CDH4: variants seen among roughly 807,000 people sequenced by gnomAD.
CDH4 encodes the protein cadherin-4.
CDH4 carries 33 observed loss-of-function variants against 86.0 expected under a neutral mutation model. The observed-to-expected ratio is 0.38, with a 90% confidence interval of 0.29 to 0.51. The LOEUF is 0.51. Among genes scored for constraint, CDH4 ranks in the 20% least tolerant of loss-of-function variants. CDH4 has a pLI of 0.86. For missense variants in CDH4, 1,114 were observed against 1,307.4 expected (o/e 0.85, Z 2.28); for synonymous variants, 555 against 549.4 (o/e 1.01, Z -0.14).
intron 2 of CDH4, among the ~76,000 whole-genome samples, chr20:61,415,885 A>G (rs2085144203): frequency 6.6e-6 from 1 of 151,852 alleles, no homozygotes; most frequent in African/African-American, 2.4e-5. Context: ...TTTTTAGTAG[A>G]GACGGGGTTT....
At chr20:61,380,796 G>T (rs1207564826) in intron 2 of CDH4, among the ~76,000 whole-genome samples, 1 of 152,086 alleles carries the variant, frequency 6.6e-6, no homozygotes, top group Non-Finnish European at 1.5e-5. Context: ...TTGCAGCTTC[G>T]GCAAATGAAA....
At chr20:61,637,055 C>A (rs2086954839) in intron 2 of CDH4, among the ~76,000 whole-genome samples, 1 of 152,170 alleles carries the variant, frequency 6.6e-6, no homozygotes, top group Non-Finnish European at 1.5e-5. Context: ...AGGGGAGCCT[C>A]AGTTTGGGGT....
rs777032409 is a variant in CDH4, at chr20:61,377,787, G to A, written c.169+122850G>A. On this transcript the variant is annotated intron_variant, in intron 2 of 15. Coordinates refer to ENST00000614565, the MANE Select transcript of CDH4 (RefSeq NM_001794.5). The surrounding 1 kb of genome is among the most constrained non-coding windows in gnomAD (Gnocchi z 4.0). ...GTTCCCCATCTGGACTCCTTAGGTCGGTCCACTGGCCTGTGCCTTGTCCTT... is the reference window on the plus strand; with the variant it reads ...GTTCCCCATCTGGACTCCTTAGGTCAGTCCACTGGCCTGTGCCTTGTCCTT... 4.6e-5 allele frequency among the ~76,000 whole-genome samples: 7 copies of A among 152,304 alleles called. No homozygotes were observed. The highest frequency in any genetic ancestry group is 1.3e-4 in the Admixed American group (2 of 15,296).
rs531982512 is a variant in CDH4, at chr20:61,879,774, G to T, written c.1050+5874G>T. The stretch of plus-strand genomic sequence containing the variant: ...TGCAGACGCAGGCGCTGTTCCGATT[G>T]TTGGGCAGTGAAATTAGCACCGGGC... On this transcript the variant is annotated intron_variant, in intron 7 of 15. Transcript: ENST00000614565. This position sits in a 1 kb window ranked among gnomAD's most constrained non-coding sequence, Gnocchi z 4.1. Among the ~76,000 whole-genome samples, 12 of 152,314 alleles carry T rather than the reference G, an allele frequency of 7.9e-5. No individual in the cohort carries two copies. Among genetic ancestry groups the T allele is most frequent in the Admixed American group, 7.8e-4 (12 of 15,310 alleles).
At chr20:61,351,969 G>A (rs1304379588) in intron 2 of CDH4, among the ~76,000 whole-genome samples, 4 of 152,194 alleles carry the variant, frequency 2.6e-5, no homozygotes, top group East Asian at 1.9e-4. Context: ...CACCCACCTC[G>A]GCCTCCCAAA....
chr20:61,754,619 GCA>G lies in CDH4; in HGVS notation c.396+10838_396+10839del, dbSNP rs2088536803. Among the ~76,000 whole-genome samples, 1 of 139,636 alleles carries G rather than the reference GCA, an allele frequency of 7.2e-6. No homozygotes were observed. Among genetic ancestry groups the G allele is most frequent in the Non-Finnish European group, 1.5e-5 (1 of 66,984 alleles). 91.6% of individuals were successfully genotyped at this position (139,636 alleles called of 152,430 possible). ...CGGAACACCACACACACGGTGCACG[GCA>G]CACACACCACACACACACGCCCCAC... is the stretch of plus-strand genomic sequence containing the variant. On this transcript the variant is annotated intron_variant, in intron 3 of 15. Transcript: ENST00000614565. The surrounding 1 kb of genome is among the most constrained non-coding windows in gnomAD (Gnocchi z 4.7).
At chr20:61,585,053 C>G (rs557051625) in intron 2 of CDH4, among the ~76,000 whole-genome samples, 1 of 152,234 alleles carries the variant, frequency 6.6e-6, no homozygotes, top group African/African-American at 2.4e-5. Flanking sequence ...GGCTTCCCTC[C>G]GCTTCTCCAC....
intron 2 of CDH4, among the ~76,000 whole-genome samples, chr20:61,349,950 G>C (rs1331636512): frequency 6.6e-6 from 1 of 152,156 alleles, no homozygotes; most frequent in African/African-American, 2.4e-5. Context: ...CCCAGCGCCA[G>C]GAACCCAGGA....
chr20:61,587,239 C>A (rs1029638182), intron 2 of CDH4, among the ~76,000 whole-genome samples: 1 of 152,060 alleles, frequency 6.6e-6, no homozygotes, highest in African/African-American at 2.4e-5. Flanking sequence ...GAAGGCTGAG[C>A]GCTTGAAGGG....
chr20:61,643,469 T>C (rs2087031908), intron 2 of CDH4, among the ~76,000 whole-genome samples: 1 of 152,218 alleles, frequency 6.6e-6, no homozygotes, highest in African/African-American at 2.4e-5. Flanking sequence ...GCAAGGCCAC[T>C]AGGGGGACCA....
chr20:61,306,587 A>T (rs192980429), intron 2 of CDH4, among the ~76,000 whole-genome samples: 5 of 152,262 alleles, frequency 3.3e-5, no homozygotes, highest in Admixed American at 3.3e-4. Context: ...CACCTGCCTC[A>T]GCCTCCCAAA....
At chr20:61,297,167 G>C (rs1448527323) in intron 2 of CDH4, among the ~76,000 whole-genome samples, 1 of 152,080 alleles carries the variant, frequency 6.6e-6, no homozygotes, top group Non-Finnish European at 1.5e-5. Flanking sequence ...AGGTGGATCA[G>C]CTGAGGTCAG....
At chr20:61,861,061 C>A (rs1174625701) in intron 6 of CDH4, among the ~76,000 whole-genome samples, 3 of 152,204 alleles carry the variant, frequency 2.0e-5, no homozygotes, top group Admixed American at 2.0e-4. Context: ...CTGTGGCCAC[C>A]ACCCTGACCT....
At position 61,926,745 on chromosome 20, in the gene CDH4, C is replaced by T. The variant is rs6061899; in HGVS notation, c.1772-1445C>T. Among the ~76,000 whole-genome samples, 343 of 152,250 alleles carry T rather than the reference C, an allele frequency of 2.3e-3. 2 individuals are homozygous for T. The highest frequency in any genetic ancestry group is 8.3e-3 in the South Asian group (40 of 4,822). ...AAAATTAGCTAGGCATGGTGGTGCACGCCTGTAATCCCAGCTATTCGGGAG... is the reference window on the plus strand; with the variant it reads ...AAAATTAGCTAGGCATGGTGGTGCATGCCTGTAATCCCAGCTATTCGGGAG... On this transcript the variant is annotated intron_variant, in intron 11 of 15. Transcript: ENST00000614565.
At chr20:61,534,636 TTTTC>T (rs796995282) in intron 2 of CDH4, among the ~76,000 whole-genome samples, 5 of 139,846 alleles carry the variant, frequency 3.6e-5, no homozygotes, top group African/African-American at 5.4e-5. Context: ...TGGTTTTTTC[TTTTC>T]TTTCTTTCTT....
rs6089438 is a variant in CDH4, at chr20:61,620,892, T to G, written c.170-122671T>G. Among the ~76,000 whole-genome samples, 1,175 of 152,192 alleles carry G rather than the reference T, an allele frequency of 7.7e-3. 19 individuals carry two copies. Among genetic ancestry groups the G allele is most frequent in the African/African-American group, 0.027 (1,114 of 41,552 alleles). ...CATTTTCCCAGCGCCTCCACCACCC[T>G]GGTGAGTGCCCCCAGACTGCTGAGA... On this transcript the variant is annotated intron_variant, in intron 2 of 15. Coordinates refer to ENST00000614565, the MANE Select transcript of CDH4 (RefSeq NM_001794.5).
chr20:61,646,589 G>A (rs1371257480), intron 2 of CDH4, among the ~76,000 whole-genome samples: 1 of 152,228 alleles, frequency 6.6e-6, no homozygotes, highest in South Asian at 2.1e-4. Flanking sequence ...TCCCTGGGGG[G>A]ACGAAGGTAA....
chr20:61,317,047 A>AT (rs2123233631), intron 2 of CDH4, among the ~76,000 whole-genome samples: 1 of 148,482 alleles, frequency 6.7e-6, no homozygotes, highest in South Asian at 2.1e-4. Flanking sequence ...TATACTTATT[A>AT]TTTTTATTAC....
chr20:61,734,378 G>C (rs1459605811), intron 2 of CDH4, among the ~76,000 whole-genome samples: 1 of 152,222 alleles, frequency 6.6e-6, no homozygotes, highest in Admixed American at 6.5e-5. Context: ...GCTCGGAACG[G>C]GGAGTTGTTG....
Sources: allele counts gnomAD v4.1 joint callset (sites outside exome capture counted in the v4.1 genomes callset), GRCh38; gene constraint gnomAD v4.1.1; non-coding constraint Gnocchi (gnomAD v3.1); transcripts MANE v1.5; gene names NCBI Gene and HGNC (gene_info 2026-07-23, HGNC 2026-07-21).